Variants in TEX14 observed in about 807,000 individuals in gnomAD.
The protein encoded by TEX14 is testis expressed 14, intercellular bridge forming factor.
Under a neutral mutation model 178.6 loss-of-function variants are expected in TEX14, and 168 were observed. That is an observed-to-expected ratio of 0.94 (90% CI 0.83 to 1.07). The LOEUF (loss-of-function observed/expected upper bound fraction) is 1.07, where lower values mean the gene tolerates loss of function less well. TEX14 is among the 50% of genes least tolerant of loss of function. The pLI is 0.00. For missense variants in TEX14, 1,730 were observed against 1,753.6 expected (o/e 0.99, Z 0.24); for synonymous variants, 626 against 634.1 (o/e 0.99, Z 0.19).
At chr17:58,672,834 C>T (rs2047326017) in intron 1 of TEX14, among the ~76,000 whole-genome samples, 1 of 151,634 alleles carries the variant, frequency 6.6e-6, no homozygotes, top group Non-Finnish European at 1.5e-5. Context: ...TGGGTTCAAG[C>T]GATTCTCCTG....
At chr17:58,680,598 T>C (rs561510009) in intron 1 of TEX14, among the ~76,000 whole-genome samples, 88 of 151,918 alleles carry the variant, frequency 5.8e-4, no homozygotes, top group African/African-American at 1.9e-3. Flanking sequence ...AAAAATCAGC[T>C]GGGCATGGTG....
intron 14 of TEX14, among the ~76,000 whole-genome samples, chr17:58,596,158 G>A (rs2045274745): frequency 6.6e-6 from 1 of 151,966 alleles, no homozygotes; most frequent in Non-Finnish European, 1.5e-5. Context: ...ACTCCACCCT[G>A]GGTGACAGAG....
intron 1 of TEX14, among the ~76,000 whole-genome samples, chr17:58,657,502 CTTTTTTTTTTTTTTTTTT>C (rs35359604): frequency 3.9e-5 from 2 of 51,352 alleles, no homozygotes; most frequent in East Asian, 1.0e-3. Flanking sequence ...ACGGGAAATG[CTTTTTTTTTTTTTTTTTT>C]TTTTTTTTTT....
At chr17:58,606,616 T>A (rs956847584) in intron 10 of TEX14, among the ~76,000 whole-genome samples, 1 of 151,986 alleles carries the variant, frequency 6.6e-6, no homozygotes. Flanking sequence ...GTGAACAGTG[T>A]GGATATGCAT....
At chr17:58,686,866 T>C (rs1447952167) in intron 1 of TEX14, among the ~76,000 whole-genome samples, 1 of 126,946 alleles carries the variant, frequency 7.9e-6, no homozygotes, top group Non-Finnish European at 1.7e-5. Context: ...GTCACCTTTT[T>C]TTTTTTTTTT....
intron 6 of TEX14, 36 bp from the exon 7 acceptor site, chr17:58,616,341 A>T: frequency 6.2e-7 from 1 of 1,601,890 alleles, no homozygotes; most frequent in Non-Finnish European, 8.5e-7. Context: ...TATGGGGAGA[A>T]GGGGGGAAAA....
At chr17:58,659,387 T>C (rs1026903064) in intron 1 of TEX14, 3 of 949,518 alleles carry the variant, frequency 3.2e-6, no homozygotes, top group African/African-American at 1.8e-5. Flanking sequence ...GAGTTGTTTT[T>C]AGGCATCGCT....
intron 1 of TEX14, among the ~76,000 whole-genome samples, chr17:58,654,035 G>A (rs969434853): frequency 6.6e-5 from 10 of 152,200 alleles, no homozygotes; most frequent in Admixed American, 4.6e-4. Context: ...AAAATTAGCC[G>A]GGCATGGTGG....
At chr17:58,602,788 C>T (rs191734582) in intron 11 of TEX14, among the ~76,000 whole-genome samples, 198 bp from the exon 12 acceptor site, 77 of 152,160 alleles carry the variant, frequency 5.1e-4, no homozygotes, top group Non-Finnish European at 8.4e-4. Context: ...CCCAGAGGGG[C>T]CGGGCGTGGT....
chr17:58,580,837 T>C (rs564895086), intron 19 of TEX14, among the ~76,000 whole-genome samples: 16 of 152,124 alleles, frequency 1.1e-4, no homozygotes, highest in Non-Finnish European at 2.1e-4. Flanking sequence ...GAAAACTTGG[T>C]ATATTGGACA....
intron 1 of TEX14, among the ~76,000 whole-genome samples, chr17:58,690,092 G>A (rs760847439): frequency 1.3e-5 from 2 of 151,940 alleles, no homozygotes; most frequent in Non-Finnish European, 2.9e-5. Flanking sequence ...CTTGTGATCT[G>A]CAGAAGATAT....
intron 1 of TEX14, among the ~76,000 whole-genome samples, chr17:58,671,765 C>A (rs1005935542): frequency 3.3e-5 from 5 of 152,138 alleles, no homozygotes; most frequent in Non-Finnish European, 4.4e-5. Context: ...TATTTTCTCA[C>A]CATTTTACAT....
chr17:58,680,585 T>C (rs1411871715), intron 1 of TEX14, among the ~76,000 whole-genome samples: 1 of 151,444 alleles, frequency 6.6e-6, no homozygotes, highest in Non-Finnish European at 1.5e-5. Flanking sequence ...CTAATAAAAA[T>C]ACAAAAATCA....
At chr17:58,582,195 A>G (rs2044838128) in intron 19 of TEX14, among the ~76,000 whole-genome samples, 1 of 152,222 alleles carries the variant, frequency 6.6e-6, no homozygotes, top group Admixed American at 6.5e-5. Flanking sequence ...ATGAAGAAGC[A>G]TTTTAAAAAC....
At chr17:58,605,536 C>T (rs934239098) in intron 10 of TEX14, among the ~76,000 whole-genome samples, 1 of 152,206 alleles carries the variant, frequency 6.6e-6, no homozygotes, top group Non-Finnish European at 1.5e-5. Flanking sequence ...TGTTCCAATA[C>T]CTGCAATTCC....
intron 1 of TEX14, among the ~76,000 whole-genome samples, chr17:58,676,420 C>T (rs1238185072): frequency 4.0e-5 from 6 of 151,528 alleles, no homozygotes; most frequent in African/African-American, 1.5e-4. Flanking sequence ...AAAACCCAGG[C>T]GTGGTGGCAG....
intron 1 of TEX14, among the ~76,000 whole-genome samples, chr17:58,658,871 T>C (rs958411809): frequency 5.9e-5 from 9 of 151,994 alleles, no homozygotes; most frequent in Admixed American, 4.6e-4. Context: ...GGCACAATAT[T>C]GGCTCATTAA....
In TEX14 at chr17:58,601,933, A is replaced by G. The variant is rs1322893103; in HGVS notation, c.1551T>C (p.Thr517=). 1 of 1,613,196 alleles carries G rather than the reference A, an allele frequency of 6.2e-7. No homozygotes were observed. Among genetic ancestry groups the G allele is most frequent in the South Asian group, 1.1e-5 (1 of 91,020 alleles). ...DLKDFTGAQR[T]QPTESPRVQR... ...GCACTCTGGGGCTCTCGGTTGGTTG[A>G]GTTCTCTGGGCTCCAGTAAAATCCT... is the stretch of plus-strand genomic sequence containing the variant. The change falls in exon 13 of 32, where the codon ACT becomes ACC. Residue 517 remains threonine, a synonymous_variant. Transcript: ENST00000349033.
At chr17:58,559,422 G>A in intron 30 of TEX14, 31 bp downstream of exon 30, 1 of 984,788 alleles carries the variant, frequency 1.0e-6, no homozygotes, top group Non-Finnish European at 1.6e-6. Context: ...AAGGACTACA[G>A]ACTACATTAT....
Sources: gnomAD v4.1 joint callset for allele counts (sites outside exome capture counted in the v4.1 genomes callset) on GRCh38, gnomAD v4.1.1 for gene constraint, MANE v1.5 for transcripts, NCBI Gene and HGNC (gene_info 2026-07-23, HGNC 2026-07-21) for gene names.